The following USP22 variants were observed in gnomAD, a reference collection of about 807,000 sequenced individuals.
The protein encoded by USP22 is ubiquitin specific peptidase 22.
In USP22, 22 loss-of-function variants were observed where a neutral mutation model predicts 68.1. The ratio of observed to expected loss-of-function variants is 0.32; its 90% confidence interval spans 0.23 to 0.46. USP22 has a LOEUF of 0.46. USP22 is among the 20% of genes least tolerant of loss of function. The pLI is 1.00. For synonymous variants in USP22, 279 were observed against 274.2 expected (o/e 1.02, Z -0.17); for missense variants, 433 against 695.8 (o/e 0.62, Z 4.25).
Position 21,007,969 on chromosome 17 carries a change from GCTGCCCAAGTGC to G in USP22, c.1119_1130del (p.Glu373_Ser377delinsAsp). The G allele has an allele frequency of 6.2e-7, 1 of 1,614,118 alleles. No homozygotes were observed. Among genetic ancestry groups the G allele is most frequent in the Non-Finnish European group, 8.5e-7 (1 of 1,180,016 alleles). ...AACCGCTGCACTTGATCTTGGCGCT[GCTGCCCAAGTGC>G]TCTGGTCTGGTGAATCTACAGGCGT... On this transcript the variant is annotated inframe_deletion, in exon 9 of 13. Transcript: ENST00000261497.
At chr17:21,024,298 A>G (rs1972193757) in intron 2 of USP22, among the ~76,000 whole-genome samples, 1 of 152,146 alleles carries the variant, frequency 6.6e-6, no homozygotes, top group South Asian at 2.1e-4. Context: ...TGTAGCTGAC[A>G]ACAAAAACTC....
chr17:21,014,355 T>C (rs1914065642), intron 6 of USP22, among the ~76,000 whole-genome samples: 1 of 152,244 alleles, frequency 6.6e-6, no homozygotes, highest in South Asian at 2.1e-4. Context: ...AGAAGGCTCT[T>C]CGTTATTCTC....
At position 21,004,938 on chromosome 17, in the gene USP22, T is replaced by C. The variant is rs751739638; in HGVS notation, c.1375A>G (p.Asn459Asp). Reference protein sequence around the residue: ...QYQQPTDSLNNDNKYSLFAVV... With the variant: ...QYQQPTDSLNDDNKYSLFAVV... The stretch of plus-strand genomic sequence containing the variant: ...CTAAGCACCACTTACTTGTTGTCAT[T>C]GTTGAGACTGTCCGTGGGCTGCTGG... Residue 459 changes from asparagine to aspartate, a missense_variant, in exon 11 of 13, where the codon AAT (asparagine) becomes GAT (aspartate). By Grantham distance (23) the Asn-to-Asp change is conservative. Around this residue, in one of 4 missense-constraint regions of USP22, gnomAD observed 178 missense variants for 351.5 expected, o/e 0.51. Transcript: ENST00000261497. 7 of 1,614,096 alleles carry C rather than the reference T, an allele frequency of 4.3e-6. No individual in the cohort carries two copies. The African/African-American group carries it at 9.3e-5, about 22-fold the overall frequency.
At chr17:21,024,951 A>G (rs953031017) in intron 2 of USP22, among the ~76,000 whole-genome samples, 1 of 152,194 alleles carries the variant, frequency 6.6e-6, no homozygotes, top group Non-Finnish European at 1.5e-5. Context: ...CCTGGGTGAC[A>G]GAGGGAGATA....
At chr17:21,028,054 G>C (rs1164857143) in intron 2 of USP22, among the ~76,000 whole-genome samples, 1 of 152,172 alleles carries the variant, frequency 6.6e-6, no homozygotes, top group African/African-American at 2.4e-5. Flanking sequence ...GCTGTGAAAG[G>C]TAAATTAATC....
In USP22 at chr17:21,004,784, CAGCCAA is replaced by C; in HGVS notation, c.1385+138_1385+143del. ...CGGCCTTTCCTAGTGGAGCTGCGGGCAGCCAATAGTGGAGCTGCGGGCAGCCAAGCG... is the reference window on the plus strand; with the variant it reads ...CGGCCTTTCCTAGTGGAGCTGCGGGCTAGTGGAGCTGCGGGCAGCCAAGCG... On this transcript the variant is annotated intron_variant, in intron 11 of 12. Coordinates refer to ENST00000261497, the MANE Select transcript of USP22 (RefSeq NM_015276.2). The C allele has an allele frequency of 2.0e-5, 3 of 146,920 alleles. 1 individual carries two copies. Among genetic ancestry groups the C allele is most frequent in the South Asian group, 1.8e-4 (1 of 5,642 alleles). The allele number at this position is 146,920 out of a possible 1,614,324, so 9.1% of individuals were successfully genotyped here.
At chr17:21,025,163 G>GTA (rs536882775) in intron 2 of USP22, among the ~76,000 whole-genome samples, 41 of 152,104 alleles carry the variant, frequency 2.7e-4, no homozygotes, top group African/African-American at 9.9e-4. Flanking sequence ...CTGTGCATGT[G>GTA]TATATATAAA....
intron 12 of USP22, 125 bp downstream of exon 12, chr17:21,004,077 A>T: frequency 7.5e-7 from 1 of 1,334,552 alleles, no homozygotes; most frequent in African/African-American, 1.5e-5. Flanking sequence ...AGGCTTCATT[A>T]CTTCGGCAAA....
intron 1 of USP22, among the ~76,000 whole-genome samples, chr17:21,037,423 A>C (rs1046510741): frequency 1.3e-5 from 2 of 152,228 alleles, no homozygotes; most frequent in Non-Finnish European, 2.9e-5. Context: ...AGTCAAGCCC[A>C]GCAACCCAAG....
intron 4 of USP22, 169 bp from the exon 5 acceptor site, chr17:21,018,280 T>C: frequency 1.7e-6 from 1 of 605,200 alleles, no homozygotes; most frequent in Non-Finnish European, 2.8e-6. Context: ...CACTTTTACA[T>C]GAACGGTATT....
At chr17:21,037,140 T>C (rs1438524240) in intron 1 of USP22, among the ~76,000 whole-genome samples, 1 of 152,230 alleles carries the variant, frequency 6.6e-6, no homozygotes, top group African/African-American at 2.4e-5. Flanking sequence ...CACACAGCAC[T>C]GGATGATAAC....
chr17:21,025,699 C>T (rs897448658), intron 2 of USP22, among the ~76,000 whole-genome samples: 4 of 152,186 alleles, frequency 2.6e-5, no homozygotes, highest in African/African-American at 9.7e-5. Context: ...TAATACAACT[C>T]AGATGAATCA....
chr17:21,016,506 AC>A (rs1914138016), intron 5 of USP22, among the ~76,000 whole-genome samples: 1 of 152,178 alleles, frequency 6.6e-6, no homozygotes, highest in Non-Finnish European at 1.5e-5. Flanking sequence ...TCATCAAAAA[AC>A]CCAAAACCAC....
intron 10 of USP22, 121 bp downstream of exon 10, chr17:21,006,775 T>C (rs890025074): frequency 4.7e-5 from 33 of 700,534 alleles, no homozygotes; most frequent in Non-Finnish European, 7.4e-5. Flanking sequence ...AGTGCTGGGA[T>C]TACAGGCGGG....
intron 1 of USP22, among the ~76,000 whole-genome samples, chr17:21,034,295 G>A (rs552624416): frequency 1.3e-5 from 2 of 152,212 alleles, no homozygotes; most frequent in East Asian, 3.9e-4. Flanking sequence ...TTCAAGGCTG[G>A]GACCCAGCAG....
At chr17:21,005,087 G>A in intron 10 of USP22, 97 bp from the exon 11 acceptor site, 1 of 1,361,728 alleles carries the variant, frequency 7.3e-7, no homozygotes, top group African/African-American at 1.4e-5. Flanking sequence ...GCTTGACCAT[G>A]CAGATGCTGC....
At chr17:21,011,640 G>A (rs910126478) in intron 7 of USP22, 12 of 302,442 alleles carry the variant, frequency 4.0e-5, no homozygotes, top group South Asian at 2.2e-4. Flanking sequence ...GAATCCACAG[G>A]TCTATCTCAG....
chr17:21,030,135 CT>C (rs1053803654), intron 1 of USP22, among the ~76,000 whole-genome samples: 1 of 152,200 alleles, frequency 6.6e-6, no homozygotes, highest in Non-Finnish European at 1.5e-5. Flanking sequence ...ACAAAATGTA[CT>C]TGCAAATAAC....
intron 5 of USP22, among the ~76,000 whole-genome samples, chr17:21,017,135 G>T (rs553321133): frequency 2.4e-4 from 36 of 152,304 alleles, no homozygotes; most frequent in African/African-American, 7.9e-4. Context: ...AATAATTTCA[G>T]CTTTGCAGGT....
Sources: allele counts gnomAD v4.1 joint callset (sites outside exome capture counted in the v4.1 genomes callset), GRCh38; gene constraint gnomAD v4.1.1; regional missense constraint gnomAD v4.1.1; transcripts MANE v1.5; gene names NCBI Gene and HGNC (gene_info 2026-07-23, HGNC 2026-07-21).